The following APOBEC3G variants were observed in gnomAD, a reference collection of about 807,000 sequenced individuals.
APOBEC3G encodes apolipoprotein B mRNA editing enzyme catalytic subunit 3G.
A neutral mutation model predicts 50.0 loss-of-function variants in APOBEC3G; 44 were observed. The observed-to-expected ratio is 0.88, with a 90% CI of 0.69 to 1.13. The LOEUF is 1.13. Among genes scored for constraint, APOBEC3G ranks in the 50% most tolerant of loss-of-function variants. The pLI, the probability that APOBEC3G is intolerant of heterozygous loss-of-function variation, is 0.00. For missense variants in APOBEC3G, 469 were observed against 492.0 expected, an observed-to-expected ratio of 0.95 and a Z score of 0.44; for synonymous variants, 156 against 175.3, an observed-to-expected ratio of 0.89 and a Z score of 0.87.
chr22:39,079,241 C>A (rs559740607), intron 2 of APOBEC3G, 156 bp downstream of exon 2: 2 of 1,075,054 alleles, frequency 1.9e-6, no homozygotes, highest in Non-Finnish European at 2.6e-6. Context: ...CCTGCTGGAC[C>A]GTCCTGGGAT....
chr22:39,081,450 G>C, intron 3 of APOBEC3G, 21 bp from the exon 4 acceptor site: 1 of 1,611,180 alleles, frequency 6.2e-7, no homozygotes, highest in South Asian at 1.1e-5. Context: ...GCTTGACTGC[G>C]TTCTCTCTTC....
intron 4 of APOBEC3G, 146 bp from the exon 5 acceptor site, chr22:39,083,585 A>AG (rs1928566897): frequency 1.1e-6 from 1 of 917,178 alleles, no homozygotes; most frequent in African/African-American, 1.7e-5. Context: ...AGTGAGTGGG[A>AG]GCCCCTTCTG....
At position 39,086,535 on chromosome 22, in the gene APOBEC3G, C is replaced by T; in HGVS notation, c.992C>T (p.Ala331Val). Residue 331 changes from alanine (A) to valine (V), a missense_variant, in exon 6 of 8, where the codon GCT becomes GTT. Physicochemically the swap from Ala to Val is moderately conservative, Grantham distance 64. Transcript: ENST00000407997. ...GAGGGGCTGCGCACCCTGGCCGAGGCTGGGGCCAAAATTTCAATAATGACA... is the reference window on the plus strand; with the variant it reads ...GAGGGGCTGCGCACCCTGGCCGAGGTTGGGGCCAAAATTTCAATAATGACA... ...CQEGLRTLAE[A>V]GAKISIMTYS... is the part of the protein sequence containing the mutation. The T allele has an allele frequency of 6.2e-7, 1 of 1,609,730 alleles. No homozygotes were observed. The highest frequency in any genetic ancestry group is 8.5e-7 in the Non-Finnish European group (1 of 1,177,164).
At chr22:39,077,942 C>T (rs1158730083) in intron 1 of APOBEC3G, among the ~76,000 whole-genome samples, 10 of 152,196 alleles carry the variant, frequency 6.6e-5, no homozygotes, top group Non-Finnish European at 1.5e-4. Context: ...TCAGCATTCA[C>T]TGTTTATAAA....
In APOBEC3G at chr22:39,083,765, T is replaced by C; in HGVS notation, c.616T>C (p.Phe206Leu). ...GGATCCACCCACATTCACTTTCAAC[T>C]TTAACAATGAACCTTGGGTCAGAGG... is the stretch of plus-strand genomic sequence containing the variant. ...SMDPPTFTFNFNNEPWVRGRH... is the reference protein window; with the variant it reads ...SMDPPTFTFNLNNEPWVRGRH... The change falls in exon 5 of 8, where the codon TTT (phenylalanine) becomes CTT (leucine). Residue 206 changes from phenylalanine to leucine, a missense_variant. Physicochemically the swap from Phe to Leu is conservative, Grantham distance 22. Coordinates refer to ENST00000407997, the MANE Select transcript of APOBEC3G (RefSeq NM_021822.4). The C allele has an allele frequency of 6.2e-7, 1 of 1,614,010 alleles. No homozygotes were observed.
intron 5 of APOBEC3G, among the ~76,000 whole-genome samples, chr22:39,086,038 C>T (rs931219294): frequency 2.0e-5 from 3 of 152,154 alleles, no homozygotes; most frequent in African/African-American, 7.2e-5. Context: ...GGCGCTGTGG[C>T]TCATGCCTGT....
Position 39,087,274 on chromosome 22 carries a change from C to G in APOBEC3G, c.1141-133C>G. The G allele has an allele frequency of 1.9e-6, 3 of 1,597,184 alleles. No homozygotes were observed. In the South Asian group the frequency reaches 3.3e-5, roughly 18 times the overall value. On this transcript the variant is annotated intron_variant, in intron 7 of 7. Transcript: ENST00000407997. ...TCTCTGTCCCTCCCTTTCCTTCTCA[C>G]AGCCTCCCTTTCTCTCCCACCTCCC...
intron 7 of APOBEC3G, 105 bp downstream of exon 7, chr22:39,087,231 G>A: frequency 6.2e-7 from 1 of 1,602,580 alleles, no homozygotes; most frequent in Non-Finnish European, 8.5e-7. Context: ...TGGGTTCCCT[G>A]CTCCCCCAGG....
chr22:39,087,076 C>A lies in APOBEC3G; in HGVS notation c.1090C>A (p.Leu364Ile). 1 of 1,613,838 alleles carries A rather than the reference C, an allele frequency of 6.2e-7. No individual in the cohort carries two copies. Among genetic ancestry groups the A allele is most frequent in the Non-Finnish European group, 8.5e-7 (1 of 1,179,992 alleles). ...QGCPFQPWDG[L>I]DEHSQDLSGR... is the part of the protein sequence containing the mutation. ...ATGTCCCTTCCAGCCCTGGGATGGACTAGATGAGCACAGCCAAGACCTGAG... is the reference window on the plus strand; with the variant it reads ...ATGTCCCTTCCAGCCCTGGGATGGAATAGATGAGCACAGCCAAGACCTGAG... Residue 364 changes from leucine to isoleucine, a missense_variant, in exon 7 of 8, where the codon CTA becomes ATA. Coordinates refer to ENST00000407997, the MANE Select transcript of APOBEC3G (RefSeq NM_021822.4).
intron 5 of APOBEC3G, among the ~76,000 whole-genome samples, 181 bp downstream of exon 5, chr22:39,084,065 T>C (rs1928593987): frequency 6.6e-6 from 1 of 152,074 alleles, no homozygotes; most frequent in Non-Finnish European, 1.5e-5. Context: ...CTCTCCAGGA[T>C]TGGTGGCTTC....
rs1356751601 is a variant in APOBEC3G at position 39,087,704 on chromosome 22, G to A, written c.*283G>A. 2 of 516,938 alleles carry A rather than the reference G, an allele frequency of 3.9e-6. No homozygotes were observed. Among genetic ancestry groups the A allele is most frequent in the South Asian group, 2.7e-5 (1 of 37,032 alleles). The allele number at this position is 516,938 out of a possible 1,614,324, so 32.0% of individuals were successfully genotyped here. On this transcript the variant is annotated 3_prime_UTR_variant, in exon 8 of 8. Transcript: ENST00000407997. ...TCCAGCGACAATTTGAATCGGTTTT[G>A]TAGGTAGAGGAATAAAATGAAATAC...
Position 39,083,781 on chromosome 22 carries a change from G to C in APOBEC3G, c.632G>C (p.Trp211Ser). 4 of 1,613,986 alleles carry C rather than the reference G, an allele frequency of 2.5e-6. No homozygotes were observed. Among genetic ancestry groups the C allele is most frequent in the Non-Finnish European group, 3.4e-6 (4 of 1,179,920 alleles). Residue 211 changes from tryptophan (W) to serine (S), a missense_variant, in exon 5 of 8, where the codon TGG (tryptophan) becomes TCG (serine). By Grantham distance (177) the Trp-to-Ser change is radical (BLOSUM62 -3). Coordinates refer to ENST00000407997, the MANE Select transcript of APOBEC3G (RefSeq NM_021822.4). ...TFTFNFNNEP[W>S]VRGRHETYLC... is the part of the protein sequence containing the mutation. ...ACTTTCAACTTTAACAATGAACCTTGGGTCAGAGGACGGCATGAGACTTAC... is the reference window on the plus strand; with the variant it reads ...ACTTTCAACTTTAACAATGAACCTTCGGTCAGAGGACGGCATGAGACTTAC...
At chr22:39,077,220 G>A (rs1055828793), upstream of APOBEC3G, 32 of 1,446,258 alleles carry the variant, frequency 2.2e-5, no homozygotes, top group Non-Finnish European at 2.6e-5. Flanking sequence ...ACCAGCGCCT[G>A]AGCAGGAAGC....
chr22:39,081,669 G>A (rs1005644761), intron 4 of APOBEC3G, 84 bp downstream of exon 4: 2 of 1,162,344 alleles, frequency 1.7e-6, no homozygotes, highest in Non-Finnish European at 2.5e-6. Context: ...TTCCAGACCA[G>A]GTCCTCTCCT....
At chr22:39,086,728 G>A (rs567522268) in intron 6 of APOBEC3G, among the ~76,000 whole-genome samples, 161 bp downstream of exon 6, 36 of 152,242 alleles carry the variant, frequency 2.4e-4, no homozygotes, top group Admixed American at 4.6e-4. Flanking sequence ...TGGGGTCGAC[G>A]GGAAGAGAGA....
At chr22:39,086,881 C>T (rs1162971490) in intron 6 of APOBEC3G, 130 bp from the exon 7 acceptor site, 2 of 1,175,290 alleles carry the variant, frequency 1.7e-6, no homozygotes, top group Non-Finnish European at 2.4e-6. Flanking sequence ...GAGCTAAGTC[C>T]CTAGGGGAGG....
In APOBEC3G at chr22:39,083,858, C is replaced by T. The variant is rs779263309; in HGVS notation, c.709C>T (p.Gln237Ter). Reference protein sequence around the residue: ...MHNDTWVLLNQRRGFLCNQAP... With the variant: ...MHNDTWVLLN Reference sequence around the variant, plus strand: ...CAATGACACCTGGGTCCTGCTGAACCAGCGCAGGGGCTTTCTATGCAACCA... The same window carrying T: ...CAATGACACCTGGGTCCTGCTGAACTAGCGCAGGGGCTTTCTATGCAACCA... Residue 237 changes from glutamine (Q) to a stop codon, truncating the protein, a stop_gained, in exon 5 of 8, where the codon CAG becomes TAG. Coordinates refer to ENST00000407997, the MANE Select transcript of APOBEC3G (RefSeq NM_021822.4). LOFTEE classifies it high-confidence loss of function. 3 of 1,613,830 alleles carry T rather than the reference C, an allele frequency of 1.9e-6. No homozygotes were observed. The South Asian group carries it at 3.3e-5, about 18-fold the overall frequency.
At chr22:39,082,702 C>T (rs2146297534) in intron 4 of APOBEC3G, 1 of 151,182 alleles carries the variant, frequency 6.6e-6, no homozygotes, top group South Asian at 2.1e-4. Flanking sequence ...GGCTTCAATA[C>T]ATTGATTTTG....
chr22:39,083,719 C>T lies in APOBEC3G; in HGVS notation c.582-12C>T, dbSNP rs368721163. 1.9e-6 allele frequency: 3 copies of T among 1,612,992 alleles called. No individual in the cohort carries two copies. The highest frequency in any genetic ancestry group is 2.7e-5 in the African/African-American group (2 of 74,874). ...GGCTCTTACTCCTCTGGGCTTTTCC[C>T]CCACTTTCCAGACACTCGATGGATC... On this transcript the variant is annotated splice_polypyrimidine_tract_variant and intron_variant, in intron 4 of 7. Coordinates refer to ENST00000407997, the MANE Select transcript of APOBEC3G (RefSeq NM_021822.4).
Sources: gnomAD v4.1 joint callset for allele counts (sites outside exome capture counted in the v4.1 genomes callset) on GRCh38, gnomAD v4.1.1 for gene constraint, MANE v1.5 for transcripts, NCBI Gene and HGNC (gene_info 2026-07-23, HGNC 2026-07-21) for gene names.